The following TTC34 variants were observed in gnomAD, a reference collection of about 807,000 sequenced individuals.
TTC34 encodes tetratricopeptide repeat protein 34.
TTC34 carries 44 observed loss-of-function variants against 40.7 expected under a neutral mutation model. That is an observed-to-expected ratio of 1.08 (90% confidence interval 0.85 to 1.39). The LOEUF (loss-of-function observed/expected upper bound fraction) is 1.39, where lower values mean the gene tolerates loss of function less well. Among genes scored for constraint, TTC34 ranks in the 40% most tolerant of loss-of-function variants. The probability of loss-of-function intolerance (pLI) is 0.00; values close to 1 mark genes in which losing one functional copy is unlikely to be tolerated. For synonymous variants in TTC34, 422 were observed against 398.6 expected, an observed-to-expected ratio of 1.06 and a Z score of -0.70; for missense variants, 884 against 838.0, an observed-to-expected ratio of 1.05 and a Z score of -0.68.
At chr1:2,775,297 C>T (rs1165837877) in intron 6 of TTC34, 2 of 151,488 alleles carry the variant, frequency 1.3e-5, no homozygotes, top group South Asian at 2.1e-4. Context: ...CAGCCTGGAA[C>T]AGAATTCTCC....
intron 6 of TTC34, among the ~76,000 whole-genome samples, chr1:2,782,739 G>A (rs535201073): frequency 6.6e-6 from 1 of 152,264 alleles, no homozygotes; most frequent in South Asian, 2.1e-4. Flanking sequence ...TTTCTTCTGT[G>A]ATCCATTGGT....
chr1:2,769,751 C>G (rs1430440505), intron 6 of TTC34, among the ~76,000 whole-genome samples: 2 of 143,240 alleles, frequency 1.4e-5, no homozygotes, highest in African/African-American at 2.7e-5. Context: ...AGCGCCCACA[C>G]CCCCAGGTGA....
chr1:2,751,727 C>T (rs1641327115), intron 6 of TTC34, among the ~76,000 whole-genome samples: 6 of 147,534 alleles, frequency 4.1e-5, no homozygotes, highest in African/African-American at 7.7e-5. Context: ...AGCACCCACA[C>T]CCCCAGGTGA....
chr1:2,760,962 AC>A (rs1164332980), intron 6 of TTC34, among the ~76,000 whole-genome samples: 3 of 59,902 alleles, frequency 5.0e-5, no homozygotes, highest in Admixed American at 4.7e-4. Flanking sequence ...CAGCGTCCAC[AC>A]CCCCAGGTGA....
At chr1:2,789,963 C>A (rs1643643780) in exon 3 of TTC34, 1 of 391,806 alleles carries the variant, frequency 2.6e-6, no homozygotes, top group South Asian at 1.3e-4. Context: ...ATGGCCCGGG[C>A]GCCCGCCGCG....
intron 6 of TTC34, among the ~76,000 whole-genome samples, chr1:2,683,538 G>C (rs557063618): frequency 5.3e-4 from 79 of 147,668 alleles, no homozygotes; most frequent in African/African-American, 1.5e-3. Context: ...TGATGGTCTG[G>C]AGCAGCACCC....
At chr1:2,641,919 G>C (rs1444827393) in intron 8 of TTC34, 24 bp from the exon 9 acceptor site, 1 of 1,447,194 alleles carries the variant, frequency 6.9e-7, no homozygotes, top group East Asian at 2.5e-5. Context: ...ACAGAGAGAG[G>C]CAGGGAGAGT....
chr1:2,790,841 G>A (rs1437295746), intron 2 of TTC34, among the ~76,000 whole-genome samples: 1 of 152,138 alleles, frequency 6.6e-6, no homozygotes, highest in East Asian at 1.9e-4. Flanking sequence ...GCCTTCTTTG[G>A]GCCAAGTGGG....
intron 6 of TTC34, among the ~76,000 whole-genome samples, chr1:2,761,720 A>AC (rs1384159881): frequency 2.2e-5 from 1 of 46,460 alleles, no homozygotes; most frequent in Non-Finnish European, 3.5e-5. Flanking sequence ...GCCTGGAAAC[A>AC]CCCCACTGCT....
At chr1:2,638,922 A>T (rs1294001051) in exon 9 of TTC34, 2 of 152,206 alleles carry the variant, frequency 1.3e-5, no homozygotes, top group African/African-American at 4.8e-5. Flanking sequence ...ACAGATACTT[A>T]TTTCTCACAG....
intron 6 of TTC34, among the ~76,000 whole-genome samples, chr1:2,650,171 A>G (rs1639100290): frequency 7.7e-6 from 1 of 130,520 alleles, no homozygotes; most frequent in Admixed American, 7.7e-5. Flanking sequence ...ATGGCACTCT[A>G]CACCCTCAGG....
chr1:2,751,748 T>C (rs1482338732), intron 6 of TTC34, among the ~76,000 whole-genome samples: 2 of 131,156 alleles, frequency 1.5e-5, no homozygotes, highest in African/African-American at 3.1e-5. Context: ...GCATCTGACA[T>C]CGTAGAGCAG....
rs1487643373 is a variant in TTC34, at chr1:2,752,313, C to G, written c.2226+31296G>C. On this transcript the variant is annotated intron_variant, in intron 6 of 8. Coordinates refer to ENST00000401095, the Ensembl canonical transcript of TTC34. ...CACCCCCAGGGGAGCATCTGACAGCCTGGAACAGCACGCACACCCCCAGGT... is the reference window on the plus strand; with the variant it reads ...CACCCCCAGGGGAGCATCTGACAGCGTGGAACAGCACGCACACCCCCAGGT... Among the ~76,000 whole-genome samples the G allele has an allele frequency of 3.4e-3, 55 of 16,314 alleles. 1 individual carries two copies. Among genetic ancestry groups the G allele is most frequent in the East Asian group, 7.0e-3 (2 of 286 alleles). 10.7% of individuals were successfully genotyped at this position (16,314 alleles called of 152,430 possible).
chr1:2,769,509 CCCCAGTGAGCA>C (rs1641962466), intron 6 of TTC34, among the ~76,000 whole-genome samples: 1 of 110,610 alleles, frequency 9.0e-6, no homozygotes, highest in African/African-American at 4.3e-5. Context: ...CACCCCACAC[CCCCAGTGAGCA>C]TCTGACAACC....
chr1:2,776,059 G>A (rs1162502505), intron 6 of TTC34: 15 of 137,266 alleles, frequency 1.1e-4, no homozygotes, highest in Non-Finnish European at 1.8e-4. Context: ...GTGAGCATCT[G>A]ACAGCCTGGA....
At chr1:2,790,688 C>T (rs1643653560) in intron 2 of TTC34, among the ~76,000 whole-genome samples, 1 of 152,240 alleles carries the variant, frequency 6.6e-6, no homozygotes, top group South Asian at 2.1e-4. Flanking sequence ...AACGCCTTTC[C>T]CTTGCCTGAC....
At chr1:2,656,632 G>C (rs373050027) in intron 6 of TTC34, among the ~76,000 whole-genome samples, 17 of 136 alleles carry the variant, frequency 0.12, no homozygotes, top group East Asian at 0.38. Flanking sequence ...AGGTGAGCAT[G>C]TGACAGCCTG....
At chr1:2,788,183 C>T (rs1190900768) in intron 3 of TTC34, among the ~76,000 whole-genome samples, 1 of 152,212 alleles carries the variant, frequency 6.6e-6, no homozygotes, top group Non-Finnish European at 1.5e-5. Flanking sequence ...AATGCCATCA[C>T]ATAATGAAAG....
At chr1:2,687,889 C>G (rs1268425278) in intron 6 of TTC34, among the ~76,000 whole-genome samples, 83 of 152,140 alleles carry the variant, frequency 5.5e-4, no homozygotes, top group African/African-American at 1.9e-3. Context: ...ACCCACATCC[C>G]CAGGTGAGCA....
Sources: allele counts gnomAD v4.1 joint callset (sites outside exome capture counted in the v4.1 genomes callset), GRCh38; gene constraint gnomAD v4.1.1; transcripts MANE v1.5; gene names NCBI Gene and HGNC (gene_info 2026-07-23, HGNC 2026-07-21).